The following ECHDC3 variants were observed in gnomAD, a reference collection of about 807,000 sequenced individuals.
ECHDC3 encodes the protein enoyl-CoA hydratase domain-containing protein 3, mitochondrial.
In ECHDC3, 20 loss-of-function variants were observed where a neutral mutation model predicts 17.9. The observed-to-expected ratio is 1.12, with a 90% CI of 0.79 to 1.63. The LOEUF is 1.63. Ranked by LOEUF, ECHDC3 falls within the 40% of genes most tolerant of loss-of-function variation. ECHDC3 has a pLI of 0.00. For missense variants in ECHDC3, 407 were observed against 357.7 expected (o/e 1.14, Z -1.11); for synonymous variants, 177 against 149.7 (o/e 1.18, Z -1.33).
chr10:11,752,036 T>A (rs1832830352), intron 3 of ECHDC3: 1 of 152,156 alleles, frequency 6.6e-6, no homozygotes, highest in African/African-American at 2.4e-5. Context: ...TATCAAGTGT[T>A]TGATTATTCT....
rs961991173 is a variant in ECHDC3 at position 11,742,546 on chromosome 10, G to A, written c.-31G>A. 3 of 1,256,396 alleles carry A rather than the reference G, an allele frequency of 2.4e-6. No homozygotes were observed. Among genetic ancestry groups the A allele is most frequent in the Admixed American group, 4.2e-5 (1 of 23,592 alleles). The allele number at this position is 1,256,396 out of a possible 1,614,324, so 77.8% of individuals were successfully genotyped here. Reference sequence around the variant, plus strand: ...GCACCTGCGGCCGGCCAGGCAGCGCGATCCTGCGGCGTCTGGCCATCCCGA... The same window carrying A: ...GCACCTGCGGCCGGCCAGGCAGCGCAATCCTGCGGCGTCTGGCCATCCCGA... On this transcript the variant is annotated 5_prime_UTR_variant, in exon 1 of 5. Coordinates refer to ENST00000379215, the MANE Select transcript of ECHDC3 (RefSeq NM_024693.5).
chr10:11,742,692 G>T lies in ECHDC3; in HGVS notation c.116G>T (p.Gly39Val). The T allele has an allele frequency of 8.0e-7, 1 of 1,243,376 alleles. No individual in the cohort carries two copies. 77.0% of individuals were successfully genotyped at this position (1,243,376 alleles called of 1,614,324 possible). ...TGCAGCCGGGACCCGGCCGGGGCGG[G>T]GCGGCGGGAGTCGGAGCCGCGGCCC... ...RFCSRDPAGA[G>V]RRESEPRPTS... is the part of the protein sequence containing the mutation. The change falls in exon 1 of 5, where the codon GGG becomes GTG. Residue 39 changes from glycine (G) to valine (V), a missense_variant. Gly to Val is a moderately radical substitution (Grantham distance 109). Coordinates refer to ENST00000379215, the MANE Select transcript of ECHDC3 (RefSeq NM_024693.5).
At chr10:11,754,791 C>G (rs1832866824) in intron 3 of ECHDC3, among the ~76,000 whole-genome samples, 3 of 152,232 alleles carry the variant, frequency 2.0e-5, no homozygotes, top group Admixed American at 2.0e-4. Context: ...TGTCACTACT[C>G]AAGAGCTGAG....
In ECHDC3 at chr10:11,763,736, T is replaced by TA. The variant is rs1163777250; in HGVS notation, c.*192_*193insA. On this transcript the variant is annotated 3_prime_UTR_variant, in exon 5 of 5. Transcript: ENST00000379215. The surrounding 1 kb of genome is among the most constrained non-coding windows in gnomAD (Gnocchi z 4.9). ...AGGACAAAATGGAGAGTGACTGAGGTGCTGACCTCAGTGCAAGGCTGGTGA... is the reference window on the plus strand; with the variant it reads ...AGGACAAAATGGAGAGTGACTGAGGTAGCTGACCTCAGTGCAAGGCTGGTGA... 6.4e-6 allele frequency: 9 copies of TA among 1,398,994 alleles called. No individual in the cohort carries two copies. In the East Asian group the frequency reaches 2.4e-4, roughly 37 times the overall value. The allele number at this position is 1,398,994 out of a possible 1,614,324, so 86.7% of individuals were successfully genotyped here.
intron 3 of ECHDC3, among the ~76,000 whole-genome samples, chr10:11,754,856 A>G (rs1475056975): frequency 1.3e-5 from 2 of 152,222 alleles, no homozygotes; most frequent in Non-Finnish European, 2.9e-5. Flanking sequence ...TTGTTGTACA[A>G]TAGGGCTCTG....
In ECHDC3 at chr10:11,755,513, G is replaced by A. The variant is rs144092359; in HGVS notation, c.496G>A (p.Ala166Thr). ...GGTTGCCAGCTGCGACATTGCCGTG[G>A]CGAGCGACAAGTCCTCTTTTGCCAC... ...QLVASCDIAV[A>T]SDKSSFATPG... Residue 166 changes from alanine to threonine, a missense_variant, in exon 4 of 5, where the codon GCG becomes ACG. Physicochemically the swap from Ala to Thr is moderately conservative, Grantham distance 58. Coordinates refer to ENST00000379215, the MANE Select transcript of ECHDC3 (RefSeq NM_024693.5). The A allele has an allele frequency of 1.1e-5, 18 of 1,613,970 alleles. No individual in the cohort carries two copies. Among genetic ancestry groups the A allele is most frequent in the African/African-American group, 4.0e-5 (3 of 74,894 alleles).
intron 2 of ECHDC3, among the ~76,000 whole-genome samples, 167 bp downstream of exon 2, chr10:11,747,637 C>A (rs766020680): frequency 6.6e-6 from 1 of 152,166 alleles, no homozygotes; most frequent in Non-Finnish European, 1.5e-5. Flanking sequence ...TTGGTCCTAA[C>A]GCTATTAACT....
chr10:11,753,232 A>C (rs1323381364), intron 3 of ECHDC3, among the ~76,000 whole-genome samples: 2 of 142,792 alleles, frequency 1.4e-5, no homozygotes, highest in Non-Finnish European at 3.1e-5. Context: ...AATACAAAAA[A>C]GTTAGCCGGG....
chr10:11,757,237 C>T (rs1319467568), intron 4 of ECHDC3, among the ~76,000 whole-genome samples: 1 of 152,192 alleles, frequency 6.6e-6, no homozygotes, highest in African/African-American at 2.4e-5. Context: ...ACCTTGAAGT[C>T]AGCCCTACTG....
Position 11,759,254 on chromosome 10 carries a change from T to C in ECHDC3, c.591+3646T>C, listed in dbSNP as rs543759906. Reference sequence around the variant, plus strand: ...CTGTAATCCCAGCTACTCGGGAGGCTGAGGCAGGAGAATCACTTGAACCCT... The same window carrying C: ...CTGTAATCCCAGCTACTCGGGAGGCCGAGGCAGGAGAATCACTTGAACCCT... On this transcript the variant is annotated intron_variant, in intron 4 of 4. Transcript: ENST00000379215. 2.0e-5 allele frequency among the ~76,000 whole-genome samples: 3 copies of C among 151,268 alleles called. No homozygotes were observed. The East Asian group carries it at 5.9e-4, about 30-fold the overall frequency.
rs1034036988 is a variant in ECHDC3 at position 11,744,881 on chromosome 10, G to A, written c.170+2135G>A. 3.3e-5 allele frequency among the ~76,000 whole-genome samples: 5 copies of A among 152,230 alleles called. 1 individual carries two copies. The highest frequency in any genetic ancestry group is 3.3e-4 in the Admixed American group (5 of 15,288). ...GGCCAGTAGACATCGGGATGAACGCGTGCACCTGGAGCTCAGCTCAGAGGC... is the reference window on the plus strand; with the variant it reads ...GGCCAGTAGACATCGGGATGAACGCATGCACCTGGAGCTCAGCTCAGAGGC... On this transcript the variant is annotated intron_variant, in intron 1 of 4. Transcript: ENST00000379215.
intron 1 of ECHDC3, among the ~76,000 whole-genome samples, chr10:11,743,694 G>C (rs908288413): frequency 3.3e-5 from 5 of 152,234 alleles, no homozygotes; most frequent in African/African-American, 9.6e-5. Flanking sequence ...TTGGAAAGGG[G>C]ATGGTTCCCT....
rs1324856179 is a variant in ECHDC3 at position 11,742,411 on chromosome 10, T to A, written c.-166T>A. On this transcript the variant is annotated 5_prime_UTR_variant, in exon 1 of 5. Coordinates refer to ENST00000379215, the MANE Select transcript of ECHDC3 (RefSeq NM_024693.5). ...TACGGACTGGGCCTGGCCTGGGGCGTCCCCGCGAAGCCTGGGCCTGTCAGG... is the reference window on the plus strand; with the variant it reads ...TACGGACTGGGCCTGGCCTGGGGCGACCCCGCGAAGCCTGGGCCTGTCAGG... The A allele has an allele frequency of 9.7e-6, 5 of 516,136 alleles. No individual in the cohort carries two copies. The highest frequency in any genetic ancestry group is 6.7e-5 in the Admixed American group (1 of 15,030). 32.0% of individuals were successfully genotyped at this position (516,136 alleles called of 1,614,324 possible).
At chr10:11,743,798 C>G (rs1325836838) in intron 1 of ECHDC3, among the ~76,000 whole-genome samples, 1 of 152,240 alleles carries the variant, frequency 6.6e-6, no homozygotes, top group Non-Finnish European at 1.5e-5. Flanking sequence ...GTTTCTGCTT[C>G]TGTAAATCTG....
intron 1 of ECHDC3, among the ~76,000 whole-genome samples, chr10:11,746,080 C>T (rs1389908026): frequency 1.3e-5 from 2 of 152,150 alleles, no homozygotes. Context: ...GTAATCCCAG[C>T]ACTTTGGGAG....
intron 1 of ECHDC3, chr10:11,743,053 T>A (rs1832715018): frequency 3.4e-6 from 1 of 296,254 alleles, no homozygotes; most frequent in Non-Finnish European, 6.2e-6. Flanking sequence ...AGGGGAAGTG[T>A]GGGCTTGGTC....
chr10:11,756,545 T>C (rs1311450796), intron 4 of ECHDC3, among the ~76,000 whole-genome samples: 2 of 152,228 alleles, frequency 1.3e-5, no homozygotes, highest in Non-Finnish European at 2.9e-5. Flanking sequence ...TCCTTTCTTT[T>C]GCAGTGCCCC....
At chr10:11,745,626 G>T (rs1832750494) in intron 1 of ECHDC3, among the ~76,000 whole-genome samples, 1 of 152,186 alleles carries the variant, frequency 6.6e-6, no homozygotes, top group Admixed American at 6.5e-5. Context: ...TTGTTTTCCG[G>T]AAAACCATGA....
At chr10:11,756,898 G>A (rs12250644) in intron 4 of ECHDC3, among the ~76,000 whole-genome samples, 5 of 152,090 alleles carry the variant, frequency 3.3e-5, no homozygotes, top group Admixed American at 1.3e-4. Context: ...ACCATACCCG[G>A]CTAATTTTGT....
Sources: gnomAD v4.1 joint callset for allele counts (sites outside exome capture counted in the v4.1 genomes callset) on GRCh38, gnomAD v4.1.1 for gene constraint, Gnocchi (gnomAD v3.1) non-coding constraint, MANE v1.5 for transcripts, NCBI Gene and HGNC (gene_info 2026-07-23, HGNC 2026-07-21) for gene names.